The following GCSAML variants were observed in gnomAD, a reference collection of about 807,000 sequenced individuals.
The protein encoded by GCSAML is germinal center associated signaling and motility like, also known as germinal center-associated signaling and motility-like protein.
Under a neutral mutation model 13.0 loss-of-function variants are expected in GCSAML, and 9 were observed. That is an observed-to-expected ratio of 0.69 (90% confidence interval 0.42 to 1.21). The LOEUF (loss-of-function observed/expected upper bound fraction) is 1.21. Ranked by LOEUF, GCSAML falls within the 50% of genes most tolerant of loss-of-function variation. The pLI is 0.00. For synonymous variants in GCSAML, 37 were observed against 52.9 expected (o/e 0.70, Z 1.31); for missense variants, 143 against 153.4 (o/e 0.93, Z 0.36).
chr1:247,549,325 A>G, intron 1 of GCSAML, 105 bp downstream of exon 1: 1 of 996,428 alleles, frequency 1.0e-6, no homozygotes, highest in Non-Finnish European at 1.5e-6. Flanking sequence ...TGCTTCTAGA[A>G]GGTTAAGCCT....
At chr1:247,558,982 G>A (rs1363576018) in intron 2 of GCSAML, among the ~76,000 whole-genome samples, 2 of 152,036 alleles carry the variant, frequency 1.3e-5, no homozygotes, top group African/African-American at 4.8e-5. Context: ...TTAACTTTGA[G>A]ACAAGTTACT....
intron 1 of GCSAML, among the ~76,000 whole-genome samples, chr1:247,553,249 A>G (rs867566382): frequency 2.6e-5 from 4 of 152,168 alleles, no homozygotes; most frequent in Non-Finnish European, 4.4e-5. Flanking sequence ...TATTGTTGGA[A>G]TGCTATTGAA....
intron 2 of GCSAML, chr1:247,531,631 C>G (rs1187292074): frequency 3.1e-6 from 5 of 1,614,152 alleles, no homozygotes; most frequent in Non-Finnish European, 4.2e-6. Flanking sequence ...CTCCGTGTTC[C>G]TCAGGGTGTA....
chr1:247,516,788 GGAGT>G (rs1219510853), intron 1 of GCSAML, among the ~76,000 whole-genome samples: 1 of 152,076 alleles, frequency 6.6e-6, no homozygotes, highest in African/African-American at 2.4e-5. Flanking sequence ...CAAGCCAAAA[GGAGT>G]GATAGTAGAA....
At chr1:247,513,711 T>C (rs1347008202) in intron 1 of GCSAML, among the ~76,000 whole-genome samples, 3 of 152,174 alleles carry the variant, frequency 2.0e-5, no homozygotes, top group African/African-American at 4.8e-5. Flanking sequence ...GGGGCTGCAG[T>C]GCACCATTCC....
At chr1:247,568,509 C>G (rs184310781) in intron 4 of GCSAML, among the ~76,000 whole-genome samples, 1 of 152,086 alleles carries the variant, frequency 6.6e-6, no homozygotes, top group African/African-American at 2.4e-5. Context: ...ATTTCTGAGG[C>G]CTCTGTTCTG....
chr1:247,572,035 A>G (rs1425232441), intron 4 of GCSAML, among the ~76,000 whole-genome samples: 5 of 151,986 alleles, frequency 3.3e-5, no homozygotes, highest in Non-Finnish European at 5.9e-5. Flanking sequence ...TTTTCGTGCT[A>G]TGTTTTTCAG....
rs1668815288 is a variant in GCSAML, at chr1:247,575,858, T to C, written c.*1476T>C. ...AACTGGAAAATAATCCATCTAATTA[T>C]GCTTTCTTTCCCAAGAAGTTTTTTA... is the stretch of plus-strand genomic sequence containing the variant. On this transcript the variant is annotated 3_prime_UTR_variant, in exon 5 of 5. Transcript: ENST00000366488. 1 of 152,238 alleles carries C rather than the reference T, an allele frequency of 6.6e-6. No homozygotes were observed. The highest frequency in any genetic ancestry group is 1.5e-5 in the Non-Finnish European group (1 of 68,044). The allele number at this position is 152,238 out of a possible 1,614,324, so 9.4% of individuals were successfully genotyped here.
At position 247,526,388 on chromosome 1, in the gene GCSAML, A is replaced by C. The variant is rs1470284490; in HGVS notation, c.-262-552A>C. 1 of 152,464 alleles carries C rather than the reference A, an allele frequency of 6.6e-6. No individual in the cohort carries two copies. Among genetic ancestry groups the C allele is most frequent in the East Asian group, 1.9e-4 (1 of 5,208 alleles). The allele number at this position is 152,464 out of a possible 1,614,324, so 9.4% of individuals were successfully genotyped here. On this transcript the variant is annotated intron_variant, in intron 1 of 5. Coordinates refer to the GCSAML transcript ENST00000366489. This position sits in a 1 kb window ranked among gnomAD's most constrained non-coding sequence, Gnocchi z 4.8. ...AAATTACCTTAGTCTGGGTGTTTCC[A>C]AGGCAGAAGCTGTGTCCAGTGCACA...
rs759190883 is a variant in GCSAML at position 247,563,680 on chromosome 1, G to A, written c.139+41G>A. The stretch of plus-strand genomic sequence containing the variant: ...ATAATATTTTTCATAGTAGGGAAGT[G>A]CAAATTTAAGCATCCAATTAGCAGA... On this transcript the variant is annotated intron_variant, in intron 3 of 4. Coordinates refer to ENST00000366488, the MANE Select transcript of GCSAML (RefSeq NM_145278.5). The A allele has an allele frequency of 4.5e-6, 5 of 1,118,208 alleles. No individual in the cohort carries two copies. In the African/African-American group the frequency reaches 6.2e-5, roughly 14 times the overall value. The allele number at this position is 1,118,208 out of a possible 1,614,324, so 69.3% of individuals were successfully genotyped here.
chr1:247,522,011 G>T lies in GCSAML; in HGVS notation c.-262-4929G>T, dbSNP rs1666452527. Among the ~76,000 whole-genome samples, 3 of 151,834 alleles carry T rather than the reference G, an allele frequency of 2.0e-5. No homozygotes were observed. In the South Asian group the frequency reaches 6.2e-4, roughly 32 times the overall value. The stretch of plus-strand genomic sequence containing the variant: ...CCCGCTGCCCCGTCTGGGATGTGAG[G>T]AGCGCCTCTGCCCGGCCGCAACCCC... On this transcript the variant is annotated intron_variant, in intron 1 of 5. Coordinates refer to the GCSAML transcript ENST00000366489.
intron 2 of GCSAML, among the ~76,000 whole-genome samples, chr1:247,534,981 G>T (rs61838223): frequency 0.25 from 38,697 of 151,924 alleles, 5,506 homozygotes; most frequent in Middle Eastern, 0.38. Context: ...TACTATGGGA[G>T]AAGGCATCCT....
chr1:247,532,136 C>T (rs1268595548), intron 2 of GCSAML: 1 of 1,613,916 alleles, frequency 6.2e-7, no homozygotes, highest in African/African-American at 1.3e-5. Flanking sequence ...CTGCAGATGG[C>T]AGCGTAGCGG....
chr1:247,547,880 G>T (rs547890035), upstream of GCSAML, among the ~76,000 whole-genome samples: 5 of 152,254 alleles, frequency 3.3e-5, no homozygotes, highest in African/African-American at 1.2e-4. Flanking sequence ...GCAGCACTTT[G>T]GTACATAGGT....
intron 1 of GCSAML, among the ~76,000 whole-genome samples, chr1:247,552,599 G>T (rs1558253129): frequency 6.6e-6 from 1 of 152,136 alleles, no homozygotes; most frequent in Non-Finnish European, 1.5e-5. Flanking sequence ...TTTCAAAATT[G>T]ATTTAGTTCT....
intron 2 of GCSAML, among the ~76,000 whole-genome samples, chr1:247,536,869 T>TA (rs1037352238): frequency 1.3e-5 from 2 of 152,088 alleles, no homozygotes; most frequent in African/African-American, 4.8e-5. Flanking sequence ...ACTCTTTTTT[T>TA]AAAAAAACCA....
rs1246986996 is a variant in GCSAML at position 247,511,187 on chromosome 1, T to C, written c.-263+3954T>C. Among the ~76,000 whole-genome samples, 3 of 152,206 alleles carry C rather than the reference T, an allele frequency of 2.0e-5. No homozygotes were observed. In the East Asian group the frequency reaches 5.8e-4, roughly 29 times the overall value. On this transcript the variant is annotated intron_variant, in intron 1 of 5. Coordinates refer to the GCSAML transcript ENST00000366489. ...TGTAGGTCTCTAAGAACTTGCTTTA[T>C]GAATCTGGGCGCTCCTATATTGGGT...
chr1:247,525,950 A>G (rs1441312813), intron 1 of GCSAML: 4 of 152,244 alleles, frequency 2.6e-5, no homozygotes, highest in Non-Finnish European at 4.4e-5. Flanking sequence ...AAGACCAAAT[A>G]TATGCTTCAG....
chr1:247,519,792 C>G (rs1666351456), intron 1 of GCSAML, among the ~76,000 whole-genome samples: 1 of 152,108 alleles, frequency 6.6e-6, no homozygotes, highest in African/African-American at 2.4e-5. Context: ...ACCCATATGT[C>G]TGTACTAGAG....
Sources: gnomAD v4.1 joint callset for allele counts (sites outside exome capture counted in the v4.1 genomes callset) on GRCh38, gnomAD v4.1.1 for gene constraint, Gnocchi (gnomAD v3.1) non-coding constraint, MANE v1.5 for transcripts, NCBI Gene and HGNC (gene_info 2026-07-23, HGNC 2026-07-21) for gene names.